Variants in AMMECR1 observed in about 807,000 individuals in gnomAD.
The protein encoded by AMMECR1 is AMMECR nuclear protein 1, also known as nuclear protein AMMECR1.
In AMMECR1, 3 loss-of-function variants were observed where a neutral mutation model predicts 22.5. That is an observed-to-expected ratio of 0.13 (90% confidence interval 0.06 to 0.35). The LOEUF (loss-of-function observed/expected upper bound fraction) is 0.35, where lower values mean the gene tolerates loss of function less well. Among genes scored for constraint, AMMECR1 ranks in the 10% least tolerant of loss-of-function variants. The probability of loss-of-function intolerance (pLI) is 1.00; values close to 1 mark genes in which losing one functional copy is unlikely to be tolerated. For synonymous variants in AMMECR1, 130 were observed against 116.7 expected, an observed-to-expected ratio of 1.11 and a Z score of -0.74; for missense variants, 235 against 278.7, an observed-to-expected ratio of 0.84 and a Z score of 1.12.
chrX:110,212,491 G>A (rs2067452412), intron 3 of AMMECR1, among the ~76,000 whole-genome samples: 1 of 111,919 alleles, frequency 8.9e-6, no homozygotes, highest in Non-Finnish European at 1.9e-5. Context: ...AAAGTGCTAC[G>A]TTAGAAGCTT....
chrX:110,204,617 T>C (rs2067413189), intron 3 of AMMECR1, among the ~76,000 whole-genome samples: 1 of 111,744 alleles, frequency 8.9e-6, no homozygotes, highest in African/African-American at 3.3e-5. Flanking sequence ...TTTAGGCAAA[T>C]GGGGTTAATT....
chrX:110,221,866 C>G (rs2067502103), intron 2 of AMMECR1, among the ~76,000 whole-genome samples: 1 of 109,463 alleles, frequency 9.1e-6, no homozygotes, highest in Non-Finnish European at 1.9e-5. Flanking sequence ...CACTGGCCAT[C>G]AGAGAAATGC....
At chrX:110,291,453 A>G (rs2067908528) in intron 1 of AMMECR1, among the ~76,000 whole-genome samples, 1 of 111,086 alleles carries the variant, frequency 9.0e-6, no homozygotes, top group Non-Finnish European at 1.9e-5. Context: ...TTGAAACTGG[A>G]AGGCAGAGGT....
chrX:110,265,372 C>T (rs2067762947), intron 1 of AMMECR1, among the ~76,000 whole-genome samples: 1 of 111,514 alleles, frequency 9.0e-6, no homozygotes, highest in Admixed American at 9.5e-5. Context: ...ACTCTGAAAC[C>T]AGAAAATTCA....
At chrX:110,224,873 G>A (rs2067524003) in intron 2 of AMMECR1, 3 of 291,490 alleles carry the variant, frequency 1.0e-5, no homozygotes, top group Non-Finnish European at 1.9e-5. Flanking sequence ...TACAGAATGA[G>A]AGATGAGAGA....
chrX:110,293,546 T>C (rs1464016344), intron 1 of AMMECR1, among the ~76,000 whole-genome samples: 3 of 111,393 alleles, frequency 2.7e-5, no homozygotes, highest in Non-Finnish European at 5.7e-5. Context: ...CCTGATTTTC[T>C]TGAATTTATC....
chrX:110,378,008 C>CA (rs755483656), intron 2 of AMMECR1, among the ~76,000 whole-genome samples: 1,347 of 30,179 alleles, frequency 0.045, 38 homozygotes, highest in East Asian at 0.096. Context: ...GACTCCGTCT[C>CA]AAAAAAAAAA....
chrX:110,425,287 G>T (rs2068745745), intron 2 of AMMECR1, among the ~76,000 whole-genome samples: 1 of 112,198 alleles, frequency 8.9e-6, no homozygotes, highest in East Asian at 2.8e-4. Flanking sequence ...TGTGGCAGGG[G>T]TTGCATGTTG....
chrX:110,275,612 C>T (rs1262997467), intron 1 of AMMECR1, among the ~76,000 whole-genome samples: 2 of 111,021 alleles, frequency 1.8e-5, no homozygotes, highest in Non-Finnish European at 3.8e-5. Context: ...GGATGAATCA[C>T]CTGAGGCCGG....
intron 2 of AMMECR1, among the ~76,000 whole-genome samples, chrX:110,404,839 A>AAGCCTC (rs1420709954): frequency 8.9e-6 from 1 of 111,781 alleles, no homozygotes; most frequent in Non-Finnish European, 1.9e-5. Context: ...TTTTCTTGGC[A>AAGCCTC]TAAGTAAAAA....
intron 2 of AMMECR1, among the ~76,000 whole-genome samples, chrX:110,356,245 T>C (rs1358719901): frequency 9.5e-6 from 1 of 105,669 alleles, no homozygotes; most frequent in South Asian, 4.6e-4. Context: ...CTTCACCTCC[T>C]GGGTTCAAGT....
rs751046044 is a variant in AMMECR1 at position 110,198,600 on chromosome X, C to G, written c.922G>C (p.Glu308Gln). The change falls in exon 6 of 6, where the codon GAA (glutamate) becomes CAA (glutamine). Residue 308 changes from glutamate (E) to glutamine (Q), a missense_variant. Glu to Gln is a conservative substitution (Grantham distance 29). This residue lies in a region of AMMECR1 where 111 missense variants were observed against 181.7 expected (regional missense o/e 0.61). Coordinates refer to ENST00000262844, the MANE Select transcript of AMMECR1 (RefSeq NM_015365.3). ...TGATGCTGGCGATGAGCAAGGTATT[C>G]AGCATAGCTCAGGGTCATCTTTTCA... The part of the protein sequence containing the change: ...RSEKMTLSYA[E>Q]YLAHRQHHHF... The G allele has an allele frequency of 2.7e-5, 33 of 1,203,416 alleles. No homozygotes were observed. Among genetic ancestry groups the G allele is most frequent in the Non-Finnish European group, 3.6e-5 (32 of 891,127 alleles).
chrX:110,401,272 G>A (rs1328530295), intron 2 of AMMECR1, among the ~76,000 whole-genome samples: 1 of 110,757 alleles, frequency 9.0e-6, no homozygotes, highest in African/African-American at 3.3e-5. Flanking sequence ...TGGGCAAAAT[G>A]GTGAAATAAG....
intron 2 of AMMECR1, among the ~76,000 whole-genome samples, chrX:110,232,463 A>C (rs1019565753): frequency 1.8e-5 from 2 of 112,084 alleles, no homozygotes; most frequent in Admixed American, 9.4e-5. Context: ...GTTCTTTGAA[A>C]CCAATGAGAA....
chrX:110,240,081 C>T (rs1018252158), intron 2 of AMMECR1, among the ~76,000 whole-genome samples: 8 of 111,005 alleles, frequency 7.2e-5, no homozygotes, highest in Admixed American at 3.9e-4. Flanking sequence ...AAGGAAAAAC[C>T]GGTACCAGCC....
At chrX:110,385,636 G>C (rs1033175093) in intron 2 of AMMECR1, among the ~76,000 whole-genome samples, 1 of 111,643 alleles carries the variant, frequency 9.0e-6, no homozygotes, top group Admixed American at 9.5e-5. Flanking sequence ...TCTGTGACTA[G>C]CTTCTCTCCC....
chrX:110,216,340 T>C (rs2067473463), intron 3 of AMMECR1, among the ~76,000 whole-genome samples, 178 bp downstream of exon 3: 2 of 111,960 alleles, frequency 1.8e-5, no homozygotes, highest in Admixed American at 9.5e-5. Context: ...TGGCACTTTG[T>C]CCTTTAAAAA....
intron 2 of AMMECR1, among the ~76,000 whole-genome samples, chrX:110,384,134 C>T (rs189407040): frequency 6.1e-4 from 68 of 111,468 alleles, no homozygotes; most frequent in Non-Finnish European, 1.2e-3. Context: ...ACTATTATAG[C>T]ATTACTTAAC....
chrX:110,309,674 T>A (rs1308935480), intron 1 of AMMECR1: 1 of 112,412 alleles, frequency 8.9e-6, no homozygotes, highest in African/African-American at 3.2e-5. Context: ...ATCGCAAAGA[T>A]CCTAAAGCAA....
Sources: allele counts gnomAD v4.1 joint callset (sites outside exome capture counted in the v4.1 genomes callset), GRCh38; gene constraint gnomAD v4.1.1; regional missense constraint gnomAD v4.1.1; transcripts MANE v1.5; gene names NCBI Gene and HGNC (gene_info 2026-07-23, HGNC 2026-07-21).